RIGI: variants seen among roughly 807,000 people sequenced by gnomAD.
The protein encoded by RIGI is RNA sensor RIG-I, also known as antiviral innate immune response receptor RIG-I.
chr9:32,492,878 C>G, the RIGI span, among the ~76,000 whole-genome samples: 1 of 151,870 alleles, frequency 6.6e-6, no homozygotes, highest in Non-Finnish European at 1.5e-5. Flanking sequence ...TATTTGGAAA[C>G]AGATAACAAA....
chr9:32,524,449 C>T, the RIGI span, among the ~76,000 whole-genome samples: 3 of 152,230 alleles, frequency 2.0e-5, no homozygotes, highest in East Asian at 3.9e-4. Context: ...CACAACCTTT[C>T]TTTTAGTTTT....
At chr9:32,467,606 T>C in the RIGI span, among the ~76,000 whole-genome samples, 1 of 152,204 alleles carries the variant, frequency 6.6e-6, no homozygotes, top group African/African-American at 2.4e-5. Context: ...TGAACAAAAC[T>C]GTAGCCACCT....
At chr9:32,480,229 C>G in the RIGI span, 2 of 1,596,776 alleles carry the variant, frequency 1.3e-6, no homozygotes, top group East Asian at 4.5e-5. Flanking sequence ...CTTCAAATCT[C>G]TGAGTAAGAT....
chr9:32,481,365 A>C, the RIGI span: 1 of 1,613,730 alleles, frequency 6.2e-7, no homozygotes, highest in Non-Finnish European at 8.5e-7. Context: ...GTATAAAAAC[A>C]GGGCTTTACA....
the RIGI span, among the ~76,000 whole-genome samples, chr9:32,469,611 T>C: frequency 6.6e-6 from 1 of 152,210 alleles, no homozygotes; most frequent in South Asian, 2.1e-4. Flanking sequence ...CTACTTAGAC[T>C]AGCGTAAGTG....
At chr9:32,523,889 C>T in the RIGI span, among the ~76,000 whole-genome samples, 1 of 151,874 alleles carries the variant, frequency 6.6e-6, no homozygotes, top group Non-Finnish European at 1.5e-5. Context: ...TCTCTGAACT[C>T]CTGCCTCTCT....
At chr9:32,488,527 C>T in the RIGI span, among the ~76,000 whole-genome samples, 8 of 152,170 alleles carry the variant, frequency 5.3e-5, no homozygotes, top group East Asian at 9.6e-4. Context: ...AAGTCATTTA[C>T]TCCCCATAGA....
chr9:32,456,597 G>A, the RIGI span: 1 of 156,442 alleles, frequency 6.4e-6, no homozygotes, highest in Non-Finnish European at 1.4e-5. Flanking sequence ...AATAGAACTA[G>A]AAGAGAGAGA....
At chr9:32,520,556 G>A in the RIGI span, among the ~76,000 whole-genome samples, 1 of 152,160 alleles carries the variant, frequency 6.6e-6, no homozygotes, top group Non-Finnish European at 1.5e-5. Context: ...GCTTTCATGA[G>A]ACATAGGGCT....
chr9:32,490,882 A>G, the RIGI span, among the ~76,000 whole-genome samples: 2 of 152,224 alleles, frequency 1.3e-5, no homozygotes, highest in Non-Finnish European at 2.9e-5. Context: ...GCATTTGGGT[A>G]GCACACTAAC....
At chr9:32,475,029 G>A in the RIGI span, among the ~76,000 whole-genome samples, 7 of 152,084 alleles carry the variant, frequency 4.6e-5, no homozygotes, top group Non-Finnish European at 4.4e-5. Context: ...TCAGCTCACC[G>A]CAGCCTTCAC....
chr9:32,457,471 A>G, the RIGI span: 2 of 1,340,134 alleles, frequency 1.5e-6, no homozygotes, highest in South Asian at 1.6e-5. Context: ...GAACCAGTAC[A>G]TAATTGTGAT....
At chr9:32,515,162 G>A in the RIGI span, among the ~76,000 whole-genome samples, 3 of 152,146 alleles carry the variant, frequency 2.0e-5, no homozygotes, top group Non-Finnish European at 2.9e-5. Flanking sequence ...AGCACTTTGA[G>A]AGGCCAAGGC....
chr9:32,493,237 A>G, the RIGI span, among the ~76,000 whole-genome samples: 1 of 152,214 alleles, frequency 6.6e-6, no homozygotes, highest in Non-Finnish European at 1.5e-5. Context: ...TTAAATTTGC[A>G]TAAAATACTA....
At chr9:32,516,355 T>G in the RIGI span, among the ~76,000 whole-genome samples, 1 of 152,208 alleles carries the variant, frequency 6.6e-6, no homozygotes, top group Non-Finnish European at 1.5e-5. Context: ...ACTTGTTGTC[T>G]CCCTGTTTGG....
At chr9:32,466,221 C>A in the RIGI span, 1 of 1,512,618 alleles carries the variant, frequency 6.6e-7, no homozygotes, top group Non-Finnish European at 9.1e-7. Context: ...ATAAAAGATA[C>A]CAACCATCCT....
chr9:32,461,382 T>G, the RIGI span, among the ~76,000 whole-genome samples: 1 of 152,226 alleles, frequency 6.6e-6, no homozygotes, highest in Non-Finnish European at 1.5e-5. Flanking sequence ...ATTTCCTCCA[T>G]GTCTTCTATG....
the RIGI span, chr9:32,481,288 A>T: frequency 1.1e-5 from 17 of 1,564,134 alleles, no homozygotes; most frequent in South Asian, 2.0e-4. Context: ...CCACGGTGCC[A>T]CTCCCAGTAG....
the RIGI span, among the ~76,000 whole-genome samples, chr9:32,476,429 TGA>T: frequency 2.6e-5 from 4 of 152,056 alleles, no homozygotes; most frequent in South Asian, 8.3e-4. Flanking sequence ...CGCTTGAGTT[TGA>T]GAGGTTGAGG....
Sources: allele counts gnomAD v4.1 joint callset (sites outside exome capture counted in the v4.1 genomes callset), GRCh38; gene constraint gnomAD v4.1.1; transcripts MANE v1.5; gene names NCBI Gene and HGNC (gene_info 2026-07-23, HGNC 2026-07-21).